The following PZP variants were observed in gnomAD, a reference collection of about 807,000 sequenced individuals.
PZP encodes the protein PZP alpha-2-macroglobulin like, also known as pregnancy zone protein.
PZP carries 150 observed loss-of-function variants against 179.8 expected under a neutral mutation model. The ratio of observed to expected loss-of-function variants is 0.83; its 90% CI spans 0.73 to 0.96. PZP has a LOEUF of 0.96. PZP is among the 40% of genes least tolerant of loss of function. PZP has a pLI of 0.00. For missense variants in PZP, 1,689 were observed against 1,764.0 expected, an observed-to-expected ratio of 0.96 and a Z score of 0.76; for synonymous variants, 624 against 652.3, an observed-to-expected ratio of 0.96 and a Z score of 0.66.
At position 9,192,943 on chromosome 12, in the gene PZP, T is replaced by C. The variant is rs757295751; in HGVS notation, c.1255-204A>G. Among the ~76,000 whole-genome samples the C allele has an allele frequency of 6.2e-4, 94 of 152,308 alleles. 1 individual carries two copies. Among genetic ancestry groups the C allele is most frequent in the Middle Eastern group, 3.4e-3 (1 of 294 alleles). On this transcript the variant is annotated intron_variant, in intron 11 of 35. Transcript: ENST00000261336. Reference sequence around the variant, plus strand: ...GAAATCATCCACAAATTTATCTCTTTTGCCCTGATTCTGCTAACTCATTAC... The same window carrying C: ...GAAATCATCCACAAATTTATCTCTTCTGCCCTGATTCTGCTAACTCATTAC...
chr12:9,201,001 A>T lies in PZP; in HGVS notation c.561T>A (p.Asn187Lys). Residue 187 changes from asparagine (N) to lysine (K), a missense_variant, in exon 6 of 36, where the codon AAT becomes AAA. Around this residue, in one of 3 missense-constraint regions of PZP, gnomAD observed 742 missense variants for 730.5 expected, o/e 1.02. Transcript: ENST00000261336. The part of the protein sequence containing the change: ...WQSLKLEAGI[N>K]QLSFPLSSEP... ...CTGATGAGAGGGGAAAGGACAACTGATTGATGCCAGCTTCTAGCTTGAGAC... is the reference window on the plus strand; with the variant it reads ...CTGATGAGAGGGGAAAGGACAACTGTTTGATGCCAGCTTCTAGCTTGAGAC... 6.2e-7 allele frequency: 1 copy of T among 1,614,122 alleles called. No individual in the cohort carries two copies. Among genetic ancestry groups the T allele is most frequent in the Non-Finnish European group, 8.5e-7 (1 of 1,179,984 alleles).
At chr12:9,144,542 GA>G (rs1939904537), downstream of PZP, among the ~76,000 whole-genome samples, 1 of 151,980 alleles carries the variant, frequency 6.6e-6, no homozygotes, top group East Asian at 1.9e-4. Context: ...AAAGAGGAAA[GA>G]AACACGATTA....
rs1940924378 is a variant in PZP at position 9,158,484 on chromosome 12, G to A, written c.3230C>T (p.Ser1077Phe). 6.2e-7 allele frequency: 1 copy of A among 1,614,056 alleles called. No individual in the cohort carries two copies. Among genetic ancestry groups the A allele is most frequent in the Non-Finnish European group, 8.5e-7 (1 of 1,180,048 alleles). ...AHITQSLTWL[S>F]QMQKDNGCFR... Reference sequence around the variant, plus strand: ...ACAGCCATTGTCCTTCTGCATCTGGGAGAGCCACGTGAGAGATTGGGTAAT... The same window carrying A: ...ACAGCCATTGTCCTTCTGCATCTGGAAGAGCCACGTGAGAGATTGGGTAAT... Residue 1077 changes from serine to phenylalanine, a missense_variant, in exon 26 of 36, where the codon TCC becomes TTC. This residue lies in a region of PZP where 746 missense variants were observed against 749.2 expected (regional missense o/e 1.00). Transcript: ENST00000261336.
At chr12:9,173,548 G>T (rs778864498) in intron 15 of PZP, among the ~76,000 whole-genome samples, 4 of 151,350 alleles carry the variant, frequency 2.6e-5, no homozygotes, top group South Asian at 2.1e-4. Context: ...TGGTTTTTTT[G>T]AAAAAAAGTT....
chr12:9,180,895 T>G, intron 15 of PZP, 88 bp downstream of exon 15: 1 of 1,433,690 alleles, frequency 7.0e-7, no homozygotes, highest in Non-Finnish European at 9.2e-7. Flanking sequence ...TTTCGCAACC[T>G]ACTCATCTGA....
downstream of PZP, among the ~76,000 whole-genome samples, chr12:9,147,292 C>CT (rs1383090451): frequency 1.3e-5 from 2 of 152,154 alleles, no homozygotes; most frequent in Non-Finnish European, 2.9e-5. Context: ...TGTCAGAACT[C>CT]TATCACTGGC....
intron 13 of PZP, among the ~76,000 whole-genome samples, chr12:9,186,389 A>T (rs1410953565): frequency 6.6e-6 from 1 of 152,210 alleles, no homozygotes; most frequent in East Asian, 1.9e-4. Flanking sequence ...GGCAGATTCA[A>T]ATTCACGCAT....
chr12:9,160,016 C>T lies in PZP; in HGVS notation c.3059G>A (p.Arg1020Lys), dbSNP rs1196065335. Residue 1020 changes from arginine (R) to lysine (K), a missense_variant, in exon 25 of 36, where the codon AGA (arginine) becomes AAA (lysine). Arg to Lys is a conservative substitution (Grantham distance 26). Around this residue, in one of 3 missense-constraint regions of PZP, gnomAD observed 746 missense variants for 749.2 expected, o/e 1.00. Transcript: ENST00000261336. The part of the protein sequence containing the change: ...AVGYLITGYQ[R>K]QLNYKHQDGS... ...ATCTTGGTGTTTGTAGTTCAGCTGT[C>T]TCTGGTAACCTGAAATGGAAGGCTT... 2.5e-6 allele frequency: 4 copies of T among 1,613,492 alleles called. No homozygotes were observed. Among genetic ancestry groups the T allele is most frequent in the Non-Finnish European group, 3.4e-6 (4 of 1,179,546 alleles).
intron 5 of PZP, 83 bp downstream of exon 5, chr12:9,201,244 G>A: frequency 7.4e-7 from 1 of 1,345,114 alleles, no homozygotes; most frequent in Non-Finnish European, 1.0e-6. Context: ...TTTTAAAGTA[G>A]TTCATCTGTC....
Position 9,163,667 on chromosome 12 carries a change from CCTCCA to C in PZP, c.2732_2736del (p.Val911GlyfsTer2). ...GTTAGGGACTCCCAAAAATATGTTA[CCTCCA>C]CCAACAGGGTTTTGATGACTGTGTC... On this transcript the variant is annotated frameshift_variant and splice_region_variant, in exon 21 of 36. Transcript: ENST00000261336. LOFTEE classifies it high-confidence loss of function. 4 of 1,612,920 alleles carry C rather than the reference CCTCCA, an allele frequency of 2.5e-6. No individual in the cohort carries two copies. Among genetic ancestry groups the C allele is most frequent in the Non-Finnish European group, 3.4e-6 (4 of 1,179,416 alleles).
chr12:9,156,487 C>G (rs1940765036), intron 28 of PZP: 1 of 153,126 alleles, frequency 6.5e-6, no homozygotes, highest in Non-Finnish European at 1.5e-5. Flanking sequence ...AAGCCCAGAG[C>G]ATGAAGTGAG....
At chr12:9,149,510 G>A in intron 35 of PZP, 51 bp downstream of exon 35, 2 of 1,530,104 alleles carry the variant, frequency 1.3e-6, no homozygotes, top group Non-Finnish European at 1.8e-6. Context: ...AGGGGCCCTT[G>A]GAGAGTGGGT....
At chr12:9,203,621 G>T (rs189169674) in intron 2 of PZP, 147 bp downstream of exon 2, 32 of 886,204 alleles carry the variant, frequency 3.6e-5, no homozygotes, top group South Asian at 1.1e-4. Flanking sequence ...GATTACAGGC[G>T]TGAGCCACCG....
At position 9,152,830 on chromosome 12, in the gene PZP, G is replaced by A; in HGVS notation, c.4115C>T (p.Thr1372Ile). 6.2e-7 allele frequency: 1 copy of A among 1,614,030 alleles called. No homozygotes were observed. Residue 1372 changes from threonine to isoleucine, a missense_variant, in exon 31 of 36, where the codon ACC becomes ATC. By Grantham distance (89) the Thr-to-Ile change is moderately conservative. This residue lies in a region of PZP where 746 missense variants were observed against 749.2 expected (regional missense o/e 1.00). Coordinates refer to ENST00000261336, the MANE Select transcript of PZP (RefSeq NM_002864.3). Reference sequence around the variant, plus strand: ...TTAGGTTAGAACGTCTTACCTGATGGTCAGTGAGATCTGAAAGCTGGTGTG... The same window carrying A: ...TTAGGTTAGAACGTCTTACCTGATGATCAGTGAGATCTGAAAGCTGGTGTG... Reference protein sequence around the residue: ...KAHTSFQISLTISYTGNRPAS... With the variant: ...KAHTSFQISLIISYTGNRPAS...
At chr12:9,164,488 G>A (rs12297865) in intron 19 of PZP, among the ~76,000 whole-genome samples, 14 of 152,332 alleles carry the variant, frequency 9.2e-5, no homozygotes, top group African/African-American at 2.9e-4. Context: ...GCTTGTGGAC[G>A]TGCAGGCTTG....
intron 30 of PZP, 79 bp downstream of exon 30, chr12:9,153,046 C>CAGGA: frequency 6.2e-7 from 1 of 1,604,628 alleles, no homozygotes; most frequent in Non-Finnish European, 8.5e-7. Flanking sequence ...TTTACTTTCC[C>CAGGA]AGGAAGGAAG....
chr12:9,173,483 C>G (rs1211564814), intron 15 of PZP, among the ~76,000 whole-genome samples: 1 of 151,724 alleles, frequency 6.6e-6, no homozygotes, highest in Non-Finnish European at 1.5e-5. Context: ...CAAAGCTGAG[C>G]TGAAGGAGAT....
At chr12:9,188,322 C>A (rs780687836) in intron 13 of PZP, among the ~76,000 whole-genome samples, 1 of 152,244 alleles carries the variant, frequency 6.6e-6, no homozygotes, top group African/African-American at 2.4e-5. Flanking sequence ...AAATTCAACA[C>A]CTCTTCATGT....
intron 25 of PZP, among the ~76,000 whole-genome samples, chr12:9,158,825 C>T (rs1440237455): frequency 7.0e-6 from 1 of 143,820 alleles, no homozygotes; most frequent in Non-Finnish European, 1.5e-5. Flanking sequence ...CTTCCTAAAG[C>T]ATTTCTATGC....
Sources: gnomAD v4.1 joint callset for allele counts (sites outside exome capture counted in the v4.1 genomes callset) on GRCh38, gnomAD v4.1.1 for gene constraint, gnomAD v4.1.1 regional missense constraint, MANE v1.5 for transcripts, NCBI Gene and HGNC (gene_info 2026-07-23, HGNC 2026-07-21) for gene names.